The following NAV3 variants were observed in gnomAD, a reference collection of about 807,000 sequenced individuals.
NAV3 encodes the protein neuron navigator 3.
NAV3 carries 87 observed loss-of-function variants against 244.7 expected under a neutral mutation model. The ratio of observed to expected loss-of-function variants is 0.36; its 90% CI spans 0.30 to 0.42. NAV3 has a LOEUF of 0.42. NAV3 is among the 20% of genes least tolerant of loss of function. The pLI, the probability that NAV3 is intolerant of heterozygous loss-of-function variation, is 1.00. For synonymous variants in NAV3, 1,126 were observed against 1,042.2 expected (o/e 1.08, Z -1.55); for missense variants, 2,663 against 2,893.3 (o/e 0.92, Z 1.83).
chr12:78,207,168 A>G (rs1960418931), intron 39 of NAV3, among the ~76,000 whole-genome samples: 2 of 152,302 alleles, frequency 1.3e-5, no homozygotes, highest in South Asian at 4.1e-4. Context: ...GAAATCCTAC[A>G]AAATATCCAC....
chr12:77,827,020 G>C (rs1194656747), upstream of NAV3, among the ~76,000 whole-genome samples: 1 of 152,130 alleles, frequency 6.6e-6, no homozygotes, highest in South Asian at 2.1e-4. Context: ...TCAGGAGTTC[G>C]AGACCAGTCT....
chr12:77,886,282 C>G (rs1883280679), intron 1 of NAV3, among the ~76,000 whole-genome samples: 2 of 152,182 alleles, frequency 1.3e-5, no homozygotes, highest in Admixed American at 6.6e-5. Context: ...AAGGGCTTCT[C>G]TTTATACAGC....
chr12:77,843,394 C>G (rs1356708070), intron 1 of NAV3, among the ~76,000 whole-genome samples: 1 of 138,036 alleles, frequency 7.2e-6, no homozygotes, highest in African/African-American at 2.6e-5. Context: ...TTTTGTTAAT[C>G]ATTTGTGTGT....
intron 23 of NAV3, among the ~76,000 whole-genome samples, chr12:78,163,700 T>C (rs1957662366): frequency 6.6e-6 from 1 of 152,116 alleles, no homozygotes; most frequent in Non-Finnish European, 1.5e-5. Flanking sequence ...TGTAAGTAGG[T>C]AAAAATTAAG....
chr12:77,969,677 T>C (rs758211048), intron 5 of NAV3, among the ~76,000 whole-genome samples: 1 of 152,088 alleles, frequency 6.6e-6, no homozygotes, highest in Non-Finnish European at 1.5e-5. Context: ...AAACCCCATC[T>C]CTATGAAAAA....
At chr12:77,848,949 A>T (rs2136228553) in intron 1 of NAV3, among the ~76,000 whole-genome samples, 1 of 152,278 alleles carries the variant, frequency 6.6e-6, no homozygotes, top group African/African-American at 2.4e-5. Context: ...TGTGTTTACC[A>T]GTCAGTCAAA....
At chr12:77,722,320 G>A (rs1876675602) in intron 2 of NAV3, among the ~76,000 whole-genome samples, 1 of 151,932 alleles carries the variant, frequency 6.6e-6, no homozygotes, top group South Asian at 2.1e-4. Flanking sequence ...TGAATTCAGG[G>A]TTTTCTATAA....
chr12:77,867,404 TTTGTTGTTG>T (rs61105303), intron 1 of NAV3, among the ~76,000 whole-genome samples: 7 of 151,710 alleles, frequency 4.6e-5, no homozygotes, highest in South Asian at 4.2e-4. Flanking sequence ...CAGGTATGTT[TTTGTTGTTG>T]TTGTTGTTGT....
At chr12:77,928,222 CA>C (rs759919821) in intron 1 of NAV3, among the ~76,000 whole-genome samples, 1,584 of 80,486 alleles carry the variant, frequency 0.02, 16 homozygotes, top group African/African-American at 0.057. Context: ...GGCTCCGCCT[CA>C]AAAAAAAAAA....
rs527336755 is a variant in NAV3, at chr12:78,040,021, G to A, written c.2024-9972G>A. The stretch of plus-strand genomic sequence containing the variant: ...GTGCATTTTTCTGGTAACTTGTATT[G>A]TTGCTAAACATTTAATTTTATTTTT... On this transcript the variant is annotated intron_variant, in intron 9 of 39. Transcript: ENST00000397909. Among the ~76,000 whole-genome samples, 29 of 152,126 alleles carry A rather than the reference G, an allele frequency of 1.9e-4. 1 individual carries two copies. In the South Asian group the frequency reaches 5.6e-3, roughly 29 times the overall value.
intron 38 of NAV3, 99 bp downstream of exon 38, chr12:78,200,690 A>AAG (rs1163554617): frequency 4.6e-5 from 27 of 587,288 alleles, no homozygotes; most frequent in Non-Finnish European, 7.5e-5. Context: ...TTATGCAGAA[A>AAG]ACTAAAGGCA....
intron 2 of NAV3, among the ~76,000 whole-genome samples, chr12:77,710,567 C>T (rs1050939494): frequency 6.6e-6 from 1 of 152,076 alleles, no homozygotes; most frequent in African/African-American, 2.4e-5. Flanking sequence ...CCAAAGATGT[C>T]AGTAGAAATT....
At chr12:77,836,744 A>G (rs1874711856) in intron 1 of NAV3, among the ~76,000 whole-genome samples, 1 of 152,164 alleles carries the variant, frequency 6.6e-6, no homozygotes, top group African/African-American at 2.4e-5. Context: ...ACTATTTAAG[A>G]TTATTTCAAA....
intron 2 of NAV3, among the ~76,000 whole-genome samples, chr12:77,653,323 C>A (rs1027046200): frequency 1.3e-5 from 2 of 152,032 alleles, no homozygotes; most frequent in African/African-American, 2.4e-5. Flanking sequence ...TGTTGACTGA[C>A]TGAATGAATA....
At chr12:77,736,764 T>A (rs1377463584) in intron 2 of NAV3, among the ~76,000 whole-genome samples, 1 of 152,222 alleles carries the variant, frequency 6.6e-6, no homozygotes, top group Non-Finnish European at 1.5e-5. Context: ...GCATTCTCAC[T>A]GCCCTTAGGG....
At chr12:78,176,772 G>A (rs1304660877) in intron 26 of NAV3, among the ~76,000 whole-genome samples, 7 of 152,020 alleles carry the variant, frequency 4.6e-5, no homozygotes, top group Non-Finnish European at 8.8e-5. Flanking sequence ...ACTGTCAGCA[G>A]GACATGACTT....
intron 38 of NAV3, among the ~76,000 whole-genome samples, chr12:78,203,460 A>G (rs776455315): frequency 6.6e-6 from 1 of 152,170 alleles, no homozygotes; most frequent in Non-Finnish European, 1.5e-5. Context: ...TAAAAAAAGT[A>G]TAATGATTGT....
intron 2 of NAV3, among the ~76,000 whole-genome samples, chr12:77,591,424 G>T (rs574981789): frequency 3.9e-5 from 6 of 152,204 alleles, no homozygotes; most frequent in African/African-American, 1.4e-4. Context: ...TTATTTAATT[G>T]TTTTACACAA....
intron 2 of NAV3, chr12:77,783,269 C>G (rs1870753934): frequency 6.6e-6 from 1 of 152,068 alleles, no homozygotes; most frequent in African/African-American, 2.4e-5. Flanking sequence ...CCAGATCCAG[C>G]AAGGAGCCTC....
Sources: allele counts gnomAD v4.1 joint callset (sites outside exome capture counted in the v4.1 genomes callset), GRCh38; gene constraint gnomAD v4.1.1; transcripts MANE v1.5; gene names NCBI Gene and HGNC (gene_info 2026-07-23, HGNC 2026-07-21).